FNDC3A: variants seen among roughly 807,000 people sequenced by gnomAD.
The protein encoded by FNDC3A is fibronectin type III domain containing 3A.
Under a neutral mutation model 148.9 loss-of-function variants are expected in FNDC3A, and 32 were observed. The observed-to-expected ratio is 0.21, with a 90% confidence interval of 0.16 to 0.29. FNDC3A has a LOEUF of 0.29. Among genes scored for constraint, FNDC3A ranks in the 10% least tolerant of loss-of-function variants. The pLI, the probability that FNDC3A is intolerant of heterozygous loss-of-function variation, is 1.00. For synonymous variants in FNDC3A, 472 were observed against 473.6 expected, an observed-to-expected ratio of 1.00 and a Z score of 0.04; for missense variants, 1,191 against 1,452.8, an observed-to-expected ratio of 0.82 and a Z score of 2.93.
intron 23 of FNDC3A, 59 bp downstream of exon 23, chr13:49,198,633 T>G: frequency 7.3e-7 from 1 of 1,367,324 alleles, no homozygotes; most frequent in Non-Finnish European, 1.0e-6. Flanking sequence ...TATACATTTC[T>G]GTAACTATTA....
intron 2 of FNDC3A, among the ~76,000 whole-genome samples, chr13:49,023,495 A>G (rs1437042591): frequency 5.9e-5 from 9 of 151,672 alleles, no homozygotes; most frequent in Non-Finnish European, 1.3e-4. Flanking sequence ...AGAATCATCA[A>G]ACTCTTAAAA....
chr13:49,015,546 C>T (rs535884551), intron 2 of FNDC3A, among the ~76,000 whole-genome samples: 7 of 152,296 alleles, frequency 4.6e-5, no homozygotes, highest in African/African-American at 1.4e-4. Context: ...CGTCTGCAAA[C>T]GGGGACAATT....
chr13:48,992,328 A>T (rs1045045807), intron 1 of FNDC3A, among the ~76,000 whole-genome samples: 1 of 152,228 alleles, frequency 6.6e-6, no homozygotes, highest in Non-Finnish European at 1.5e-5. Context: ...AAACTTCAAA[A>T]GACATTGGTA....
intron 3 of FNDC3A, among the ~76,000 whole-genome samples, chr13:49,111,052 G>T (rs1164676495): frequency 1.3e-5 from 2 of 152,172 alleles, no homozygotes; most frequent in African/African-American, 4.8e-5. Context: ...ATGCACAGTT[G>T]TTGTCAGGTA....
chr13:49,000,666 T>C (rs1952108062), intron 1 of FNDC3A, among the ~76,000 whole-genome samples: 1 of 152,210 alleles, frequency 6.6e-6, no homozygotes. Flanking sequence ...CTTTGGATAG[T>C]ATGGACATTT....
At chr13:49,097,164 T>A (rs1178027795) in intron 3 of FNDC3A, among the ~76,000 whole-genome samples, 1 of 152,010 alleles carries the variant, frequency 6.6e-6, no homozygotes, top group Non-Finnish European at 1.5e-5. Context: ...TAACCAAAAC[T>A]ATAGTAATAA....
At chr13:49,022,109 C>T (rs1245529175) in intron 2 of FNDC3A, among the ~76,000 whole-genome samples, 1 of 152,114 alleles carries the variant, frequency 6.6e-6, no homozygotes, top group Non-Finnish European at 1.5e-5. Context: ...AGTAAGTTTC[C>T]TTACTTGAGG....
chr13:49,169,303 A>G (rs754751359), intron 10 of FNDC3A, among the ~76,000 whole-genome samples: 1 of 152,228 alleles, frequency 6.6e-6, no homozygotes, highest in Non-Finnish European at 1.5e-5. Flanking sequence ...AATAGTGTGG[A>G]CTTGGTAAAT....
chr13:49,167,302 A>G lies in FNDC3A; in HGVS notation c.1036A>G (p.Lys346Glu), dbSNP rs113025834. The G allele has an allele frequency of 6.3e-7, 1 of 1,595,280 alleles. No individual in the cohort carries two copies. The highest frequency in any genetic ancestry group is 8.6e-7 in the Non-Finnish European group (1 of 1,166,976). ...CAAGCCAGCCATGGATTACCATGCA[A>G]AGTAAGGAATTCCTACAGATTGCCT... ...DLKPAMDYHA[K>E]VQAEYNSIKG... Residue 346 changes from lysine (K) to glutamate (E), a missense_variant and splice_region_variant, in exon 9 of 26, where the codon AAA (lysine) becomes GAA (glutamate). This residue lies in a region of FNDC3A where 426 missense variants were observed against 473.2 expected (regional missense o/e 0.90). Transcript: ENST00000492622.
At chr13:49,182,180 T>C (rs1020532364) in intron 14 of FNDC3A, among the ~76,000 whole-genome samples, 4 of 151,850 alleles carry the variant, frequency 2.6e-5, no homozygotes, top group Non-Finnish European at 5.9e-5. Flanking sequence ...TTTGTGGAGA[T>C]AGTTTTGTAT....
At position 48,999,123 on chromosome 13, in the gene FNDC3A, C is replaced by T. The variant is rs148573243; in HGVS notation, c.-39-7029C>T. Among the ~76,000 whole-genome samples the T allele has an allele frequency of 2.1e-3, 313 of 152,264 alleles. 3 individuals carry two copies. Among genetic ancestry groups the T allele is most frequent in the African/African-American group, 7.1e-3 (297 of 41,560 alleles). On this transcript the variant is annotated intron_variant, in intron 1 of 25. Transcript: ENST00000492622. The stretch of plus-strand genomic sequence containing the variant: ...TCATGGGAAGGTCCCTGTGAGAGTG[C>T]TGCATGGTCAGGGCTCCACCAAGCG...
intron 2 of FNDC3A, among the ~76,000 whole-genome samples, chr13:49,015,242 T>C (rs1952470253): frequency 6.6e-6 from 1 of 152,210 alleles, no homozygotes. Context: ...CATGGAATGT[T>C]CTTCCATTTG....
At chr13:49,065,666 A>G (rs1877215745) in intron 2 of FNDC3A, among the ~76,000 whole-genome samples, 1 of 152,204 alleles carries the variant, frequency 6.6e-6, no homozygotes, top group African/African-American at 2.4e-5. Context: ...TGTGTGCATA[A>G]TAAACTTCTG....
chr13:49,086,915 A>G (rs1432243053), intron 3 of FNDC3A, among the ~76,000 whole-genome samples: 1 of 152,166 alleles, frequency 6.6e-6, no homozygotes, highest in Non-Finnish European at 1.5e-5. Flanking sequence ...ATCCATTCAT[A>G]AATTCAGCCC....
intron 8 of FNDC3A, among the ~76,000 whole-genome samples, chr13:49,160,694 T>G (rs1184060593): frequency 6.6e-6 from 1 of 151,972 alleles, no homozygotes; most frequent in Non-Finnish European, 1.5e-5. Context: ...CTTCTCTAGT[T>G]CTTTTAATTG....
Position 49,188,533 on chromosome 13 carries a change from T to C in FNDC3A, c.1844T>C (p.Ile615Thr). 6.2e-7 allele frequency: 1 copy of C among 1,612,378 alleles called. No homozygotes were observed. Among genetic ancestry groups the C allele is most frequent in the Non-Finnish European group, 8.5e-7 (1 of 1,178,380 alleles). Residue 615 changes from isoleucine (I) to threonine (T), a missense_variant, in exon 17 of 26, where the codon ATA becomes ACA. Transcript: ENST00000492622. The stretch of plus-strand genomic sequence containing the variant: ...CTTACAGGAAACAAATGGGAAATGA[T>C]ATACAGTGGTGCTACCAGGGAACAT... ...EGSNGNKWEM[I>T]YSGATREHLC...
intron 2 of FNDC3A, among the ~76,000 whole-genome samples, chr13:49,058,900 C>A (rs1177109987): frequency 6.6e-6 from 1 of 152,154 alleles, no homozygotes; most frequent in African/African-American, 2.4e-5. Context: ...GTTCACTCTT[C>A]ATTCTTTCAA....
At chr13:49,105,667 G>A (rs566939385) in intron 3 of FNDC3A, among the ~76,000 whole-genome samples, 9 of 152,210 alleles carry the variant, frequency 5.9e-5, no homozygotes, top group Admixed American at 1.3e-4. Flanking sequence ...CCCCAAATAC[G>A]CTTCATCCAC....
intron 1 of FNDC3A, among the ~76,000 whole-genome samples, chr13:49,000,648 G>A (rs1952107883): frequency 6.6e-6 from 1 of 152,152 alleles, no homozygotes; most frequent in Admixed American, 6.5e-5. Context: ...CATTGAATCT[G>A]CAGATTGCTT....
Sources: allele counts gnomAD v4.1 joint callset (sites outside exome capture counted in the v4.1 genomes callset), GRCh38; gene constraint gnomAD v4.1.1; regional missense constraint gnomAD v4.1.1; transcripts MANE v1.5; gene names NCBI Gene and HGNC (gene_info 2026-07-23, HGNC 2026-07-21).